The following MAGI2 variants were observed in gnomAD, a reference collection of about 807,000 sequenced individuals.
The protein encoded by MAGI2 is membrane associated guanylate kinase, WW and PDZ domain containing 2.
MAGI2 carries 35 observed loss-of-function variants against 133.3 expected under a neutral mutation model. That is an observed-to-expected ratio of 0.26 (90% CI 0.20 to 0.35). The LOEUF is 0.35. Ranked by LOEUF, MAGI2 falls within the 10% of genes least tolerant of loss-of-function variation. The pLI is 1.00. For missense variants in MAGI2, 1,636 were observed against 1,863.4 expected, an observed-to-expected ratio of 0.88 and a Z score of 2.25; for synonymous variants, 729 against 710.6, an observed-to-expected ratio of 1.03 and a Z score of -0.41.
At chr7:78,185,205 T>C (rs905264873) in intron 13 of MAGI2, among the ~76,000 whole-genome samples, 7 of 152,226 alleles carry the variant, frequency 4.6e-5, no homozygotes, top group African/African-American at 1.4e-4. Flanking sequence ...TCTTTCTTTT[T>C]TGTTTGGGTA....
At chr7:78,465,523 A>ATG (rs1790531090) in intron 6 of MAGI2, among the ~76,000 whole-genome samples, 7 of 152,206 alleles carry the variant, frequency 4.6e-5, no homozygotes, top group Admixed American at 4.6e-4. Flanking sequence ...TATGGCATGG[A>ATG]TAAGGATGTA....
intron 2 of MAGI2, among the ~76,000 whole-genome samples, chr7:78,747,758 C>T (rs917486912): frequency 6.6e-6 from 1 of 152,116 alleles, no homozygotes; most frequent in Non-Finnish European, 1.5e-5. Flanking sequence ...GGGCACAGAA[C>T]TGAAGAAAAC....
At chr7:78,216,363 G>A (rs1170621420) in intron 10 of MAGI2, among the ~76,000 whole-genome samples, 1 of 152,204 alleles carries the variant, frequency 6.6e-6, no homozygotes, top group Non-Finnish European at 1.5e-5. Context: ...TCTTCACAGT[G>A]TAGTCACAAC....
intron 2 of MAGI2, among the ~76,000 whole-genome samples, chr7:78,803,063 C>A (rs1583951915): frequency 6.6e-6 from 1 of 151,796 alleles, no homozygotes; most frequent in Non-Finnish European, 1.5e-5. Context: ...TTTTTATACA[C>A]ATGCACGTAT....
intron 1 of MAGI2, among the ~76,000 whole-genome samples, chr7:79,302,612 A>T (rs956180847): frequency 3.3e-5 from 5 of 152,042 alleles, no homozygotes; most frequent in Admixed American, 6.6e-5. Flanking sequence ...TCCACAGGAG[A>T]TGCAAAAAGA....
intron 3 of MAGI2, among the ~76,000 whole-genome samples, chr7:78,570,664 GA>G (rs1801411010): frequency 6.6e-6 from 1 of 152,074 alleles, no homozygotes; most frequent in Non-Finnish European, 1.5e-5. Context: ...TTTACTTTGA[GA>G]AATGCTGGGC....
At chr7:78,927,592 T>A (rs893006735) in intron 2 of MAGI2, among the ~76,000 whole-genome samples, 2 of 152,016 alleles carry the variant, frequency 1.3e-5, no homozygotes, top group South Asian at 2.1e-4. Flanking sequence ...TTAAATGATT[T>A]CTTAACCTAC....
intron 1 of MAGI2, among the ~76,000 whole-genome samples, chr7:79,251,347 G>C (rs1261954579): frequency 1.3e-5 from 2 of 151,666 alleles, no homozygotes; most frequent in African/African-American, 4.8e-5. Context: ...TCTGACAAGA[G>C]ATTATTAACC....
At chr7:78,920,704 C>T (rs1302725669) in intron 2 of MAGI2, among the ~76,000 whole-genome samples, 3 of 152,076 alleles carry the variant, frequency 2.0e-5, no homozygotes, top group Non-Finnish European at 4.4e-5. Context: ...CTCTTCTAAG[C>T]AAATCTCACC....
intron 18 of MAGI2, among the ~76,000 whole-genome samples, chr7:78,132,350 C>T (rs1438715113): frequency 6.6e-6 from 1 of 152,242 alleles, no homozygotes; most frequent in Non-Finnish European, 1.5e-5. Context: ...GACCGAGAGG[C>T]CTTCTTATAA....
chr7:78,238,709 G>A (rs11764764), intron 10 of MAGI2, among the ~76,000 whole-genome samples: 44,085 of 151,556 alleles, frequency 0.29, 7,403 homozygotes, highest in Non-Finnish European at 0.37. Flanking sequence ...AAGCCAGCTT[G>A]CCTGCCTGCC....
At chr7:78,574,762 A>G (rs915527847) in intron 3 of MAGI2, among the ~76,000 whole-genome samples, 2 of 152,250 alleles carry the variant, frequency 1.3e-5, no homozygotes, top group African/African-American at 4.8e-5. Flanking sequence ...TTTACAATGT[A>G]CTGTTATGAG....
chr7:78,840,486 C>G (rs968088379), intron 2 of MAGI2, among the ~76,000 whole-genome samples: 2 of 152,014 alleles, frequency 1.3e-5, no homozygotes, highest in Admixed American at 6.6e-5. Flanking sequence ...CTAACAAGAT[C>G]CCAGGTGATA....
intron 10 of MAGI2, among the ~76,000 whole-genome samples, chr7:78,221,911 A>G (rs1436049163): frequency 6.6e-6 from 1 of 151,824 alleles, no homozygotes; most frequent in Admixed American, 6.6e-5. Context: ...TTAGCTGGGC[A>G]TTGTGGTGTG....
chr7:78,297,371 A>T (rs1399265300), intron 9 of MAGI2, among the ~76,000 whole-genome samples: 6 of 151,912 alleles, frequency 3.9e-5, no homozygotes, highest in Non-Finnish European at 7.4e-5. Context: ...ACACTTTTAC[A>T]CTGTTGGTGG....
intron 1 of MAGI2, chr7:79,177,229 G>A (rs573306495): frequency 5.3e-5 from 8 of 151,782 alleles, no homozygotes; most frequent in South Asian, 4.2e-4. Flanking sequence ...GTACTATATC[G>A]TTGAATTTCT....
intron 9 of MAGI2, among the ~76,000 whole-genome samples, chr7:78,334,740 T>A (rs968742672): frequency 7.9e-5 from 12 of 152,308 alleles, no homozygotes; most frequent in Non-Finnish European, 1.5e-4. Context: ...ATGATGCGGA[T>A]TCTGACTTTT....
At chr7:78,581,727 G>A (rs1188106100) in intron 3 of MAGI2, among the ~76,000 whole-genome samples, 1 of 152,170 alleles carries the variant, frequency 6.6e-6, no homozygotes, top group Non-Finnish European at 1.5e-5. Context: ...AGTTTTGGAT[G>A]ACACAGAAGC....
At chr7:79,404,245 A>G (rs1181481747) in intron 1 of MAGI2, among the ~76,000 whole-genome samples, 1 of 152,152 alleles carries the variant, frequency 6.6e-6, no homozygotes, top group Admixed American at 6.5e-5. Flanking sequence ...AACTTTGATC[A>G]AGGCAAATAG....
Sources: allele counts gnomAD v4.1 joint callset (sites outside exome capture counted in the v4.1 genomes callset), GRCh38; gene constraint gnomAD v4.1.1; transcripts MANE v1.5; gene names NCBI Gene and HGNC (gene_info 2026-07-23, HGNC 2026-07-21).